Variants in FMN2 observed in about 807,000 individuals in gnomAD.
The protein encoded by FMN2 is formin 2, also known as formin-2.
In FMN2, 51 loss-of-function variants were observed where a neutral mutation model predicts 142.3. The ratio of observed to expected loss-of-function variants is 0.36; its 90% CI spans 0.29 to 0.45. The LOEUF (loss-of-function observed/expected upper bound fraction) is 0.45. Ranked by LOEUF, FMN2 falls within the 20% of genes least tolerant of loss-of-function variation. The probability of loss-of-function intolerance (pLI) is 1.00; values close to 1 mark genes in which losing one functional copy is unlikely to be tolerated. For missense variants in FMN2, 1,936 were observed against 2,122.8 expected, an observed-to-expected ratio of 0.91 and a Z score of 1.73; for synonymous variants, 882 against 869.8, an observed-to-expected ratio of 1.01 and a Z score of -0.25.
At chr1:240,449,876 G>A (rs1675946494) in intron 16 of FMN2, among the ~76,000 whole-genome samples, 1 of 152,194 alleles carries the variant, frequency 6.6e-6, no homozygotes, top group East Asian at 1.9e-4. Flanking sequence ...TCACAATTAA[G>A]CGTTAATATA....
At chr1:240,440,330 A>G (rs1024020589) in intron 16 of FMN2, among the ~76,000 whole-genome samples, 1 of 152,206 alleles carries the variant, frequency 6.6e-6, no homozygotes, top group Admixed American at 6.5e-5. Flanking sequence ...ATGCCCCATG[A>G]CAGCCTCCTC....
intron 15 of FMN2, among the ~76,000 whole-genome samples, chr1:240,426,885 C>T (rs914765373): frequency 6.6e-6 from 1 of 151,858 alleles, no homozygotes; most frequent in African/African-American, 2.4e-5. Flanking sequence ...ATTACAGGTG[C>T]GCACCACCAT....
intron 16 of FMN2, among the ~76,000 whole-genome samples, chr1:240,439,993 C>T (rs746460786): frequency 1.1e-4 from 17 of 152,188 alleles, no homozygotes; most frequent in South Asian, 2.1e-4. Context: ...TCCCCTTGCG[C>T]GATTATTTTC....
intron 6 of FMN2, among the ~76,000 whole-genome samples, chr1:240,221,069 T>C (rs1455300464): frequency 6.6e-6 from 1 of 152,166 alleles, no homozygotes; most frequent in Non-Finnish European, 1.5e-5. Flanking sequence ...ATGGCTGCAT[T>C]GTATTCCATG....
chr1:240,136,584 G>T (rs1662949390), intron 2 of FMN2, among the ~76,000 whole-genome samples: 1 of 151,958 alleles, frequency 6.6e-6, no homozygotes, highest in African/African-American at 2.4e-5. Flanking sequence ...AAACAGTGTT[G>T]GGTGACTCAG....
At chr1:240,250,352 T>C (rs549420637) in intron 6 of FMN2, among the ~76,000 whole-genome samples, 1 of 152,294 alleles carries the variant, frequency 6.6e-6, no homozygotes, top group African/African-American at 2.4e-5. Context: ...GATGATCATA[T>C]GGCTTTTGTT....
At chr1:240,279,402 T>C (rs142538402) in intron 7 of FMN2, among the ~76,000 whole-genome samples, 6 of 151,594 alleles carry the variant, frequency 4.0e-5, no homozygotes, top group Non-Finnish European at 8.8e-5. Context: ...GAGGAAGAGG[T>C]TGGGGTTGGG....
chr1:240,203,509 C>G (rs34896312), intron 4 of FMN2, among the ~76,000 whole-genome samples: 41,632 of 152,112 alleles, frequency 0.27, 6,414 homozygotes, highest in African/African-American at 0.41. Context: ...TCCTTTGCAG[C>G]GACATGGATG....
chr1:240,186,788 T>C (rs1447902670), intron 3 of FMN2, among the ~76,000 whole-genome samples: 2 of 152,112 alleles, frequency 1.3e-5, no homozygotes, highest in African/African-American at 4.8e-5. Context: ...GGAGTAACAG[T>C]AGTTGAAACC....
intron 14 of FMN2, among the ~76,000 whole-genome samples, chr1:240,370,865 C>T (rs115885954): frequency 1.2e-4 from 19 of 152,134 alleles, no homozygotes; most frequent in East Asian, 1.9e-4. Flanking sequence ...TTAAAGTGTG[C>T]GACTACTCAT....
At chr1:240,472,514 T>C in intron 17 of FMN2, 61 bp downstream of exon 17, 1 of 1,092,192 alleles carries the variant, frequency 9.2e-7, no homozygotes, top group Non-Finnish European at 1.4e-6. Flanking sequence ...ATTTTCATAA[T>C]ATATACAAAC....
chr1:240,417,253 C>T (rs889158758), intron 15 of FMN2, among the ~76,000 whole-genome samples: 11 of 150,770 alleles, frequency 7.3e-5, no homozygotes, highest in African/African-American at 2.7e-4. Context: ...TATTTTCTCA[C>T]CCTTTAACAT....
At chr1:240,255,400 T>A (rs1262345916) in intron 6 of FMN2, among the ~76,000 whole-genome samples, 1 of 152,192 alleles carries the variant, frequency 6.6e-6, no homozygotes, top group Admixed American at 6.5e-5. Context: ...CAGGTGATGA[T>A]GGTGCCCATT....
At position 240,091,888 on chromosome 1, in the gene FMN2, C is replaced by G; in HGVS notation, c.-222C>G. Reference sequence around the variant, plus strand: ...CGCCCCGCCGGCCCCTAGCCGCAGCCGCAGCCGCAGCGACGGCAGCCACGG... The same window carrying G: ...CGCCCCGCCGGCCCCTAGCCGCAGCGGCAGCCGCAGCGACGGCAGCCACGG... On this transcript the variant is annotated 5_prime_UTR_variant, in exon 1 of 18. Transcript: ENST00000319653. 1.4e-6 allele frequency: 1 copy of G among 711,262 alleles called. No individual in the cohort carries two copies. Among genetic ancestry groups the G allele is most frequent in the Non-Finnish European group, 2.1e-6 (1 of 482,512 alleles). 44.1% of individuals were successfully genotyped at this position (711,262 alleles called of 1,614,324 possible).
intron 1 of FMN2, among the ~76,000 whole-genome samples, chr1:240,096,832 G>C (rs867350178): frequency 6.6e-6 from 1 of 152,306 alleles, no homozygotes; most frequent in African/African-American, 2.4e-5. Flanking sequence ...CTCTTTGGTA[G>C]ATCTAAAAAC....
intron 2 of FMN2, among the ~76,000 whole-genome samples, chr1:240,147,577 G>T (rs35442562): frequency 1.3e-4 from 20 of 151,396 alleles, no homozygotes; most frequent in African/African-American, 4.1e-4. Flanking sequence ...ACTGCAGCCT[G>T]GAATCCCTGC....
At chr1:240,450,096 A>G (rs1675958825) in intron 16 of FMN2, among the ~76,000 whole-genome samples, 1 of 152,104 alleles carries the variant, frequency 6.6e-6, no homozygotes, top group African/African-American at 2.4e-5. Flanking sequence ...TCACATCAAA[A>G]TTAAATTCTA....
rs1396859422 is a variant in FMN2 at position 240,093,723 on chromosome 1, A to T, written c.1614A>T (p.Thr538=). The change falls in exon 1 of 18, where the codon ACA becomes ACT. Residue 538 remains threonine, a splice_region_variant and synonymous_variant. Coordinates refer to ENST00000319653, the MANE Select transcript of FMN2 (RefSeq NM_020066.5). ...AAADGFQNVF[T]GRTLLEKLFS... The stretch of plus-strand genomic sequence containing the variant: ...CGGATGGCTTCCAGAACGTGTTCAC[A>T]GGTGAGCGCGCCCTGCTGCTGGCCT... 1 of 1,340,056 alleles carries T rather than the reference A, an allele frequency of 7.5e-7. No individual in the cohort carries two copies. Among genetic ancestry groups the T allele is most frequent in the Non-Finnish European group, 9.5e-7 (1 of 1,051,796 alleles). 83.0% of individuals were successfully genotyped at this position (1,340,056 alleles called of 1,614,324 possible). A position where few individuals can be genotyped will look rare whatever the true frequency, so the allele number is the denominator to read the frequency against.
Position 240,290,780 on chromosome 1 carries a change from G to GTTTTTTGTTTTT in FMN2, c.4154-4036_4154-4035insGTTTTTTTTTTT, listed in dbSNP as rs1333094360. Among the ~76,000 whole-genome samples, 7 of 100,192 alleles carry GTTTTTTGTTTTT rather than the reference G, an allele frequency of 7.0e-5. 1 individual carries two copies. The highest frequency in any genetic ancestry group is 1.2e-4 in the Admixed American group (1 of 8,534). The allele number at this position is 100,192 out of a possible 152,430, so 65.7% of individuals were successfully genotyped here. On this transcript the variant is annotated intron_variant, in intron 7 of 17. Transcript: ENST00000319653. ...GTCTGGAGTGATGTCTGTTTGTTTG[G>GTTTTTTGTTTTT]TTTTTTTTTTTTGTTTTTTTTTTTT...
Sources: allele counts gnomAD v4.1 joint callset (sites outside exome capture counted in the v4.1 genomes callset), GRCh38; gene constraint gnomAD v4.1.1; transcripts MANE v1.5; gene names NCBI Gene and HGNC (gene_info 2026-07-23, HGNC 2026-07-21).